ANKRD33B: variants seen among roughly 807,000 people sequenced by gnomAD.
ANKRD33B encodes ankyrin repeat domain 33B, also known as ankyrin repeat domain-containing protein 33B.
A neutral mutation model predicts 21.5 loss-of-function variants in ANKRD33B; 6 were observed. That is an observed-to-expected ratio of 0.28 (90% CI 0.15 to 0.55). The LOEUF is 0.55. Ranked by LOEUF, ANKRD33B falls within the 20% of genes least tolerant of loss-of-function variation. ANKRD33B has a pLI of 0.94. For synonymous variants in ANKRD33B, 347 were observed against 342.4 expected, an observed-to-expected ratio of 1.01 and a Z score of -0.15; for missense variants, 698 against 747.2, an observed-to-expected ratio of 0.93 and a Z score of 0.77.
chr5:10,636,089 T>G (rs1736854681), intron 2 of ANKRD33B, among the ~76,000 whole-genome samples: 1 of 152,200 alleles, frequency 6.6e-6, no homozygotes, highest in African/African-American at 2.4e-5. Flanking sequence ...GTGCCACCCA[T>G]TGGAAGTTTC....
chr5:10,605,279 C>T (rs895013798), intron 1 of ANKRD33B, among the ~76,000 whole-genome samples: 4 of 152,172 alleles, frequency 2.6e-5, no homozygotes, highest in South Asian at 2.1e-4. Context: ...ATGGGGCCAG[C>T]CCTGATGCAG....
intron 2 of ANKRD33B, among the ~76,000 whole-genome samples, chr5:10,633,048 A>C (rs1736765177): frequency 6.7e-6 from 1 of 150,190 alleles, no homozygotes; most frequent in Non-Finnish European, 1.5e-5. Context: ...TCAGCCTCCC[A>C]AAGTGCTAGG....
In ANKRD33B at chr5:10,638,023, T is replaced by C; in HGVS notation, c.497-5T>C. The C allele has an allele frequency of 6.5e-7, 1 of 1,537,414 alleles. No individual in the cohort carries two copies. Among genetic ancestry groups the C allele is most frequent in the Non-Finnish European group, 8.7e-7 (1 of 1,146,852 alleles). The stretch of plus-strand genomic sequence containing the variant: ...ACCAATACACGTGTACACTTCTCTT[T>C]ACAGGGCACGCTATCATCACTAACT... On this transcript the variant is annotated splice_region_variant and splice_polypyrimidine_tract_variant and intron_variant, in intron 2 of 3. Coordinates refer to ENST00000296657, the MANE Select transcript of ANKRD33B (RefSeq NM_001164440.2).
chr5:10,647,587 A>G (rs1387617509), intron 3 of ANKRD33B, among the ~76,000 whole-genome samples: 1 of 152,034 alleles, frequency 6.6e-6, no homozygotes, highest in East Asian at 1.9e-4. Flanking sequence ...TTATTAAGGG[A>G]GTGACTAGTG....
chr5:10,651,538 T>C lies in ANKRD33B; in HGVS notation c.*1425T>C, dbSNP rs1371220100. On this transcript the variant is annotated 3_prime_UTR_variant, in exon 4 of 4. Transcript: ENST00000296657. ...AGGGCAGGGTATGAAAGCTGGAAAC[T>C]CAGGCTGGAGTTTCTAGTTCTAATG... 1 of 152,364 alleles carries C rather than the reference T, an allele frequency of 6.6e-6. No homozygotes were observed. The highest frequency in any genetic ancestry group is 1.5e-5 in the Non-Finnish European group (1 of 68,026). 9.4% of individuals were successfully genotyped at this position (152,364 alleles called of 1,614,324 possible).
chr5:10,649,871 A>C lies in ANKRD33B; in HGVS notation c.1243A>C (p.Arg415=), dbSNP rs1210863126. 1.4e-6 allele frequency: 2 copies of C among 1,451,148 alleles called. No individual in the cohort carries two copies. The highest frequency in any genetic ancestry group is 2.9e-5 in the East Asian group (1 of 34,222). The allele number at this position is 1,451,148 out of a possible 1,614,324, so 89.9% of individuals were successfully genotyped here. A position where few individuals can be genotyped will look rare whatever the true frequency, so the allele number is the denominator to read the frequency against. Residue 415 remains arginine, a synonymous_variant, in exon 4 of 4, where the codon AGA becomes CGA. Transcript: ENST00000296657. ...CCTGCCCCTGCAGCGCCTGCGGCGG[A>C]GAAGCGTGCGGCCCGGTGTGGTGGT... ...SLLPLQRLRR[R]SVRPGVVVPR...
chr5:10,632,482 C>G (rs920255018), intron 2 of ANKRD33B, among the ~76,000 whole-genome samples: 3 of 152,142 alleles, frequency 2.0e-5, no homozygotes, highest in Admixed American at 6.5e-5. Flanking sequence ...AGGGGTGTGG[C>G]GGGGCCAGGC....
intron 2 of ANKRD33B, among the ~76,000 whole-genome samples, chr5:10,636,448 C>CA (rs962667924): frequency 2.1e-4 from 26 of 125,478 alleles, no homozygotes; most frequent in African/African-American, 3.4e-4. Context: ...CCCATCTCTA[C>CA]AAAAAAAAAT....
chr5:10,640,351 T>C (rs190435672), intron 3 of ANKRD33B, among the ~76,000 whole-genome samples: 36 of 152,324 alleles, frequency 2.4e-4, no homozygotes, highest in Non-Finnish European at 3.7e-4. Context: ...ATGGGAGTAA[T>C]GACCTCTTTC....
At chr5:10,610,124 T>C (rs1736132727) in intron 1 of ANKRD33B, among the ~76,000 whole-genome samples, 1 of 152,186 alleles carries the variant, frequency 6.6e-6, no homozygotes, top group Non-Finnish European at 1.5e-5. Flanking sequence ...TTGGTGAAAA[T>C]GCAAAGGTAT....
intron 2 of ANKRD33B, among the ~76,000 whole-genome samples, chr5:10,622,986 C>T (rs1327813784): frequency 1.3e-5 from 2 of 151,990 alleles, no homozygotes; most frequent in African/African-American, 4.8e-5. Flanking sequence ...CAGCCTGGGG[C>T]GTGGTGGGAA....
intron 1 of ANKRD33B, among the ~76,000 whole-genome samples, chr5:10,616,287 C>A (rs897302559): frequency 1.6e-4 from 25 of 152,096 alleles, no homozygotes; most frequent in Non-Finnish European, 1.3e-4. Context: ...TAAAAATTGG[C>A]CGGGTGTGTT....
Position 10,572,168 on chromosome 5 carries a change from C to T in ANKRD33B, c.366+7335C>T, listed in dbSNP as rs186333330. Among the ~76,000 whole-genome samples the T allele has an allele frequency of 2.0e-5, 3 of 152,234 alleles. No individual in the cohort carries two copies. In the East Asian group the frequency reaches 5.8e-4, roughly 29 times the overall value. ...CCTCCCAAAGTGTTGGGATTACAGG[C>T]GTGAGCCACCACACCCGGCCAGGGC... On this transcript the variant is annotated intron_variant, in intron 1 of 3. Coordinates refer to ENST00000296657, the MANE Select transcript of ANKRD33B (RefSeq NM_001164440.2).
chr5:10,582,589 C>T (rs1373739809), intron 1 of ANKRD33B, among the ~76,000 whole-genome samples: 1 of 152,204 alleles, frequency 6.6e-6, no homozygotes, highest in Non-Finnish European at 1.5e-5. Context: ...AGGGCTCCTC[C>T]CAACAGTTCT....
intron 2 of ANKRD33B, among the ~76,000 whole-genome samples, chr5:10,632,700 G>A (rs1475250854): frequency 6.6e-6 from 1 of 152,194 alleles, no homozygotes; most frequent in African/African-American, 2.4e-5. Flanking sequence ...CCCACACCAG[G>A]CCGCACAGCC....
At chr5:10,598,538 A>T (rs1030833886) in intron 1 of ANKRD33B, among the ~76,000 whole-genome samples, 4 of 152,188 alleles carry the variant, frequency 2.6e-5, no homozygotes, top group African/African-American at 9.7e-5. Flanking sequence ...AAGTGCTGGG[A>T]TTATAGGCGT....
chr5:10,635,778 C>T (rs904842115), intron 2 of ANKRD33B, among the ~76,000 whole-genome samples: 2 of 152,232 alleles, frequency 1.3e-5, no homozygotes, highest in Non-Finnish European at 2.9e-5. Flanking sequence ...TGGGTTCCAA[C>T]CCCGGCAGTA....
chr5:10,642,966 G>A (rs769953296), intron 3 of ANKRD33B, among the ~76,000 whole-genome samples: 1 of 152,038 alleles, frequency 6.6e-6, no homozygotes, highest in Non-Finnish European at 1.5e-5. Context: ...GTGCAGTGGC[G>A]CGATCTCGGT....
chr5:10,577,262 T>C (rs1735344476), intron 1 of ANKRD33B, among the ~76,000 whole-genome samples: 1 of 152,132 alleles, frequency 6.6e-6, no homozygotes, highest in African/African-American at 2.4e-5. Context: ...CCCAAGTAGC[T>C]GGGATTACAG....
Sources: allele counts gnomAD v4.1 joint callset (sites outside exome capture counted in the v4.1 genomes callset), GRCh38; gene constraint gnomAD v4.1.1; transcripts MANE v1.5; gene names NCBI Gene and HGNC (gene_info 2026-07-23, HGNC 2026-07-21).